The following SETD2 variants were observed in gnomAD, a reference collection of about 807,000 sequenced individuals.
SETD2 encodes SET domain containing 2, histone lysine methyltransferase, also known as histone-lysine N-methyltransferase SETD2.
SETD2 carries 31 observed loss-of-function variants against 242.1 expected under a neutral mutation model. That is an observed-to-expected ratio of 0.13 (90% CI 0.10 to 0.17). The LOEUF is 0.17. SETD2 is among the 10% of genes least tolerant of loss of function. The pLI is 1.00. For missense variants in SETD2, 2,481 were observed against 3,046.3 expected (o/e 0.81, Z 4.37); for synonymous variants, 1,006 against 1,066.5 (o/e 0.94, Z 1.11).
intron 18 of SETD2, among the ~76,000 whole-genome samples, chr3:47,033,937 C>G (rs1272056831): frequency 6.6e-6 from 1 of 152,082 alleles, no homozygotes; most frequent in East Asian, 1.9e-4. Context: ...TCCCAAAGTG[C>G]TAGGATTACA....
intron 1 of SETD2, among the ~76,000 whole-genome samples, chr3:47,151,508 T>G (rs2043982659): frequency 6.6e-6 from 1 of 152,128 alleles, no homozygotes; most frequent in African/African-American, 2.4e-5. Context: ...TGCTCCCAGT[T>G]TCATATCCTG....
In SETD2 at chr3:47,113,971, G is replaced by A. The variant is rs2107719724; in HGVS notation, c.4620C>T (p.Ser1540=). 6.2e-7 allele frequency: 1 copy of A among 1,612,008 alleles called. No individual in the cohort carries two copies. Among genetic ancestry groups the A allele is most frequent in the Non-Finnish European group, 8.5e-7 (1 of 1,178,990 alleles). ...SSRCPNGDYC[S]NRRFQRKQHA... is the part of the protein sequence containing the mutation. ...GCTGTTTTCTCTGAAACCGTCTATT[G>A]GAACAATAATCCCCATTTGGACACC... The change falls in exon 5 of 21, where the codon TCC becomes TCT. Residue 1540 remains serine, a synonymous_variant. Transcript: ENST00000409792.
At chr3:47,072,773 G>A (rs1575727936) in intron 12 of SETD2, among the ~76,000 whole-genome samples, 1 of 122,934 alleles carries the variant, frequency 8.1e-6, no homozygotes, top group East Asian at 2.5e-4. Flanking sequence ...GTGAAACCCT[G>A]TCTCTACTAA....
chr3:47,049,780 T>TATATTA (rs1459689143), intron 15 of SETD2, among the ~76,000 whole-genome samples: 1 of 135,900 alleles, frequency 7.4e-6, no homozygotes, highest in Admixed American at 7.9e-5. Context: ...GTTTATATTA[T>TATATTA]TATATATAAA....
At chr3:47,041,879 TA>T (rs200629389) in intron 17 of SETD2, among the ~76,000 whole-genome samples, 1 of 151,804 alleles carries the variant, frequency 6.6e-6, no homozygotes, top group Non-Finnish European at 1.5e-5. Flanking sequence ...GCGCTGTCCG[TA>T]AAAAAAATTG....
rs368834830 is a variant in SETD2, at chr3:47,106,114, G to A, written c.4722C>T (p.Thr1574=). 32 of 1,611,406 alleles carry A rather than the reference G, an allele frequency of 2.0e-5. No homozygotes were observed. The African/African-American group carries it at 4.1e-4, about 21-fold the overall frequency. ...CCTCTCCACAATATTCTAGGACAAA[G>A]GTGTTCCTGCAAACCAAAAGGAAAA... ...LRAAKDLPSN[T]FVLEYCGEVL... Residue 1574 remains threonine, a synonymous_variant, in exon 6 of 21, where the codon ACC becomes ACT. Transcript: ENST00000409792.
intron 18 of SETD2, among the ~76,000 whole-genome samples, chr3:47,022,398 G>T (rs1448058410): frequency 6.6e-6 from 1 of 151,906 alleles, no homozygotes; most frequent in African/African-American, 2.4e-5. Flanking sequence ...AGTTACTTGG[G>T]AGGTTGAGGT....
At chr3:47,134,775 C>T (rs779873504) in intron 1 of SETD2, among the ~76,000 whole-genome samples, 5 of 152,020 alleles carry the variant, frequency 3.3e-5, no homozygotes, top group Admixed American at 6.6e-5. Flanking sequence ...AGGCATGTGC[C>T]GCCACACATG....
intron 12 of SETD2, among the ~76,000 whole-genome samples, chr3:47,076,483 GTCAC>G (rs1369679507): frequency 2.0e-5 from 3 of 152,202 alleles, no homozygotes; most frequent in East Asian, 3.8e-4. Context: ...GCACATAGTA[GTCAC>G]TCACTATTAG....
rs2107485242 is a variant in SETD2, at chr3:47,017,189, A to G, written c.7599T>C (p.Asn2533=). 1 of 1,614,060 alleles carries G rather than the reference A, an allele frequency of 6.2e-7. No individual in the cohort carries two copies. Among genetic ancestry groups the G allele is most frequent in the Non-Finnish European group, 8.5e-7 (1 of 1,179,982 alleles). ...YCKNPEDLEC[N]ENVKHKTKEY... ...CCTTGGTTTTGTGTTTCACATTCTC[A>G]TTGCACTCCAGGTCCTCAGGATTCT... Residue 2533 remains asparagine (N), a synonymous_variant, in exon 21 of 21, where the codon AAT becomes AAC. Transcript: ENST00000409792. This position sits in a 1 kb window ranked among gnomAD's most constrained non-coding sequence, Gnocchi z 4.8.
At chr3:47,081,298 A>T (rs1341822459) in intron 12 of SETD2, among the ~76,000 whole-genome samples, 1 of 152,186 alleles carries the variant, frequency 6.6e-6, no homozygotes, top group Non-Finnish European at 1.5e-5. Flanking sequence ...CAAGCGGAAC[A>T]CATGTCCACC....
At chr3:47,097,631 A>G (rs1043348033) in intron 9 of SETD2, among the ~76,000 whole-genome samples, 1 of 152,258 alleles carries the variant, frequency 6.6e-6, no homozygotes, top group Non-Finnish European at 1.5e-5. Context: ...AGACAAACCA[A>G]TAACAAGAGA....
At chr3:47,141,089 C>G (rs1161985570) in intron 1 of SETD2, among the ~76,000 whole-genome samples, 1 of 126,886 alleles carries the variant, frequency 7.9e-6, no homozygotes, top group South Asian at 2.6e-4. Flanking sequence ...CCTCACACCA[C>G]CCACCCCCGC....
chr3:47,062,415 T>A, intron 13 of SETD2, 69 bp from the exon 14 acceptor site: 1 of 1,367,680 alleles, frequency 7.3e-7, no homozygotes, highest in Non-Finnish European at 1.0e-6. Context: ...TTCTCCATCA[T>A]GACAATGTAT....
rs746587896 is a variant in SETD2 at position 47,122,108 on chromosome 3, T to C, written c.2528A>G (p.Asp843Gly). 6.2e-7 allele frequency: 1 copy of C among 1,613,960 alleles called. No individual in the cohort carries two copies. Among genetic ancestry groups the C allele is most frequent in the South Asian group, 1.1e-5 (1 of 91,078 alleles). The change falls in exon 3 of 21, where the codon GAT becomes GGT. Residue 843 changes from aspartate to glycine, a missense_variant. Around this residue, in one of 17 missense-constraint regions of SETD2, gnomAD observed 1,300 missense variants for 1,259.2 expected, o/e 1.03. Transcript: ENST00000409792. ...PVICDSRNLT[D>G]HSKFACEEYK... Reference sequence around the variant, plus strand: ...TTCTTCACATGCAAATTTTGAGTGATCTGTCAAATTTCTACTATCACATAT... The same window carrying C: ...TTCTTCACATGCAAATTTTGAGTGACCTGTCAAATTTCTACTATCACATAT...
At chr3:47,111,348 A>G (rs1298955197) in intron 5 of SETD2, among the ~76,000 whole-genome samples, 1 of 152,162 alleles carries the variant, frequency 6.6e-6, no homozygotes, top group Non-Finnish European at 1.5e-5. Context: ...TCAAATAAAC[A>G]ATTAAAAACC....
intron 18 of SETD2, among the ~76,000 whole-genome samples, chr3:47,023,254 G>A (rs529897789): frequency 1.7e-4 from 26 of 152,190 alleles, no homozygotes; most frequent in Non-Finnish European, 3.2e-4. Flanking sequence ...ACAAAAATTA[G>A]TCAGGCGCGG....
intron 5 of SETD2, among the ~76,000 whole-genome samples, chr3:47,111,755 A>G (rs2042659371): frequency 6.6e-6 from 1 of 152,166 alleles, no homozygotes; most frequent in African/African-American, 2.4e-5. Context: ...AAAGGAAAAA[A>G]AAAAAAAGAA....
At chr3:47,107,933 T>C (rs1220844118) in intron 5 of SETD2, among the ~76,000 whole-genome samples, 1 of 151,772 alleles carries the variant, frequency 6.6e-6, no homozygotes, top group Non-Finnish European at 1.5e-5. Context: ...TGAGCTACAA[T>C]CACATTACTG....
Sources: gnomAD v4.1 joint callset for allele counts (sites outside exome capture counted in the v4.1 genomes callset) on GRCh38, gnomAD v4.1.1 for gene constraint, gnomAD v4.1.1 regional missense constraint, Gnocchi (gnomAD v3.1) non-coding constraint, MANE v1.5 for transcripts, NCBI Gene and HGNC (gene_info 2026-07-23, HGNC 2026-07-21) for gene names.